COL4A5: variants seen among roughly 807,000 people sequenced by gnomAD.
COL4A5 encodes the protein collagen alpha-5(IV) chain.
COL4A5 carries 26 observed loss-of-function variants against 130.2 expected under a neutral mutation model. The ratio of observed to expected loss-of-function variants is 0.20; its 90% CI spans 0.15 to 0.28. The LOEUF (loss-of-function observed/expected upper bound fraction) is 0.28, where lower values mean the gene tolerates loss of function less well. COL4A5 is among the 10% of genes least tolerant of loss of function. The pLI is 1.00. For synonymous variants in COL4A5, 496 were observed against 439.6 expected (o/e 1.13, Z -1.60); for missense variants, 1,131 against 1,344.3 (o/e 0.84, Z 2.48).
intron 25 of COL4A5, among the ~76,000 whole-genome samples, chrX:108,599,287 C>T (rs978592139): frequency 9.0e-6 from 1 of 111,716 alleles, no homozygotes; most frequent in Non-Finnish European, 1.9e-5. Context: ...TCCATTACCC[C>T]TCTGTTTTAT....
In COL4A5 at chrX:108,670,455, A is replaced by T. The variant is rs749152726; in HGVS notation, c.3799+219A>T. The T allele has an allele frequency of 2.8e-5, 7 of 253,722 alleles. No homozygotes were observed. The East Asian group carries it at 1.6e-3, about 60-fold the overall frequency. The allele number at this position is 253,722 out of a possible 1,213,427, so 20.9% of individuals were successfully genotyped here. ...ACCTAACTAGGAAAACTAATTTAAC[A>T]TTTAAAAATTCATATATTTGTGTCA... On this transcript the variant is annotated intron_variant, in intron 42 of 52. Coordinates refer to ENST00000328300, the MANE Select transcript of COL4A5 (RefSeq NM_033380.3).
At chrX:108,469,169 CTT>C (rs529015725) in intron 1 of COL4A5, among the ~76,000 whole-genome samples, 3 of 77,665 alleles carry the variant, frequency 3.9e-5, no homozygotes, top group Non-Finnish European at 7.2e-5. Context: ...CTCTCTCTCT[CTT>C]TTTTTTTTTT....
intron 9 of COL4A5, 69 bp from the exon 10 acceptor site, chrX:108,575,841 A>C: frequency 1.2e-6 from 1 of 827,492 alleles, no homozygotes; most frequent in Admixed American, 2.6e-5. Context: ...TTGTGTAAAA[A>C]AAGAAAAAAT....
At chrX:108,646,955 C>G (rs1343975880) in intron 36 of COL4A5, among the ~76,000 whole-genome samples, 1 of 109,996 alleles carries the variant, frequency 9.1e-6, no homozygotes, top group Non-Finnish European at 1.9e-5. Context: ...TGTTTTGGTA[C>G]CAGTACCATG....
chrX:108,539,687 CAG>C (rs1335010595), intron 1 of COL4A5, 57 bp from the exon 2 acceptor site: 24 of 950,441 alleles, frequency 2.5e-5, no homozygotes, highest in Non-Finnish European at 3.3e-5. Context: ...AGCTGTAAGT[CAG>C]AGTCTGATTT....
intron 2 of COL4A5, among the ~76,000 whole-genome samples, chrX:108,557,304 T>G (rs970841906): frequency 7.1e-5 from 8 of 111,907 alleles, no homozygotes; most frequent in Non-Finnish European, 1.5e-4. Flanking sequence ...ATTTTAAAAC[T>G]TTTAATTTCT....
intron 1 of COL4A5, among the ~76,000 whole-genome samples, chrX:108,515,436 T>C (rs1603261661): frequency 1.8e-5 from 2 of 112,163 alleles, no homozygotes; most frequent in South Asian, 7.4e-4. Context: ...TGGTTGACGA[T>C]ATGCATATAA....
intron 21 of COL4A5, 22 bp from the exon 22 acceptor site, chrX:108,595,487 T>C (rs2066498553): frequency 3.3e-6 from 4 of 1,199,519 alleles, no homozygotes; most frequent in Non-Finnish European, 3.4e-6. Context: ...GTAAAATTTG[T>C]TTGTTATTAT....
At chrX:108,445,755 A>T (rs781084916) in intron 1 of COL4A5, among the ~76,000 whole-genome samples, 3 of 111,979 alleles carry the variant, frequency 2.7e-5, no homozygotes, top group East Asian at 5.5e-4. Flanking sequence ...TCATTCAACC[A>T]ATTCATATGT....
At chrX:108,612,164 T>C (rs911232055) in intron 29 of COL4A5, among the ~76,000 whole-genome samples, 4 of 111,643 alleles carry the variant, frequency 3.6e-5, no homozygotes, top group African/African-American at 1.3e-4. Flanking sequence ...TAAAGACATT[T>C]ACAAAATCTT....
chrX:108,486,146 C>T (rs1167239818), intron 1 of COL4A5, among the ~76,000 whole-genome samples: 1 of 111,433 alleles, frequency 9.0e-6, no homozygotes, highest in Non-Finnish European at 1.9e-5. Context: ...CTCCTAAGCA[C>T]ATGTATTCTC....
intron 25 of COL4A5, among the ~76,000 whole-genome samples, chrX:108,599,585 GTAGA>G (rs761231547): frequency 1.5e-4 from 17 of 111,373 alleles, no homozygotes; most frequent in African/African-American, 4.6e-4. Context: ...AGATAGCTAG[GTAGA>G]TAGATAGATC....
intron 29 of COL4A5, among the ~76,000 whole-genome samples, chrX:108,614,286 C>T (rs139315577): frequency 0.014 from 1,539 of 111,776 alleles, 33 homozygotes; most frequent in African/African-American, 0.048. Flanking sequence ...TTGACTACAG[C>T]GCACAGGGGC....
At chrX:108,453,039 T>C (rs1050096321) in intron 1 of COL4A5, among the ~76,000 whole-genome samples, 7 of 111,157 alleles carry the variant, frequency 6.3e-5, no homozygotes, top group South Asian at 3.8e-4. Flanking sequence ...GCCTGAAGGG[T>C]TGTTGAATTT....
In COL4A5 at chrX:108,481,464, A is replaced by G. The variant is rs2064890489; in HGVS notation, c.81+41258A>G. On this transcript the variant is annotated intron_variant, in intron 1 of 52. Transcript: ENST00000328300. ...AGGGGTTGCGATTCTCTGTTTTTAT[A>G]ATTCAAATTAGGCTTTTGTCTATTC... Among the ~76,000 whole-genome samples the G allele has an allele frequency of 4.5e-5, 5 of 111,637 alleles. No homozygotes were observed. The South Asian group carries it at 1.9e-3, about 42-fold the overall frequency.
intron 1 of COL4A5, among the ~76,000 whole-genome samples, chrX:108,449,766 G>T (rs890202817): frequency 9.0e-6 from 1 of 111,078 alleles, no homozygotes; most frequent in Non-Finnish European, 1.9e-5. Flanking sequence ...TTTTTCTCTG[G>T]AGCGTCTTTT....
intron 1 of COL4A5, among the ~76,000 whole-genome samples, chrX:108,450,325 C>T (rs1313231943): frequency 1.8e-5 from 2 of 111,632 alleles, no homozygotes; most frequent in African/African-American, 3.3e-5. Flanking sequence ...AACTCCTGGC[C>T]TCAAGAGGTC....
intron 1 of COL4A5, among the ~76,000 whole-genome samples, chrX:108,492,689 T>A (rs2065002852): frequency 9.0e-6 from 1 of 111,600 alleles, no homozygotes; most frequent in Non-Finnish European, 1.9e-5. Context: ...CATGCTTTTA[T>A]AGAGATGGAT....
chrX:108,564,489 C>G (rs1017377204), intron 4 of COL4A5, among the ~76,000 whole-genome samples: 11 of 112,078 alleles, frequency 9.8e-5, no homozygotes, highest in Admixed American at 3.8e-4. Context: ...GGATGCATCT[C>G]AAAATTGAAA....
Sources: gnomAD v4.1 joint callset for allele counts (sites outside exome capture counted in the v4.1 genomes callset) on GRCh38, gnomAD v4.1.1 for gene constraint, MANE v1.5 for transcripts, NCBI Gene and HGNC (gene_info 2026-07-23, HGNC 2026-07-21) for gene names.